Variants in TMEM132D observed in about 807,000 individuals in gnomAD.
The protein encoded by TMEM132D is transmembrane protein 132D, also known as mature OL transmembrane protein.
Under a neutral mutation model 62.3 loss-of-function variants are expected in TMEM132D, and 21 were observed. That is an observed-to-expected ratio of 0.34 (90% CI 0.24 to 0.49). TMEM132D has a LOEUF of 0.49. TMEM132D is among the 20% of genes least tolerant of loss of function. TMEM132D has a pLI of 0.99. For synonymous variants in TMEM132D, 621 were observed against 575.6 expected, an observed-to-expected ratio of 1.08 and a Z score of -1.13; for missense variants, 1,346 against 1,402.8, an observed-to-expected ratio of 0.96 and a Z score of 0.65.
In TMEM132D at chr12:129,176,207, C is replaced by A. The variant is rs531022806; in HGVS notation, c.1443+33313G>T. Reference sequence around the variant, plus strand: ...AGAGCAGATTTCAACTCCATTCTTGCCTTTGCCACCAGGTATCTGCTCAGT... The same window carrying A: ...AGAGCAGATTTCAACTCCATTCTTGACTTTGCCACCAGGTATCTGCTCAGT... On this transcript the variant is annotated intron_variant, in intron 5 of 8. Coordinates refer to ENST00000422113, the MANE Select transcript of TMEM132D (RefSeq NM_133448.3). Among the ~76,000 whole-genome samples the A allele has an allele frequency of 2.1e-3, 323 of 152,340 alleles. 1 individual carries two copies. Among genetic ancestry groups the A allele is most frequent in the African/African-American group, 7.0e-3 (292 of 41,584 alleles).
chr12:129,714,120 C>T (rs1868475146), intron 1 of TMEM132D, among the ~76,000 whole-genome samples: 1 of 152,178 alleles, frequency 6.6e-6, no homozygotes. Flanking sequence ...CTCAGTCCTG[C>T]CCCCGGGGCC....
At chr12:129,150,967 C>G (rs978612700) in intron 5 of TMEM132D, among the ~76,000 whole-genome samples, 2 of 152,182 alleles carry the variant, frequency 1.3e-5, no homozygotes, top group Non-Finnish European at 2.9e-5. Context: ...CTGCCCTGTT[C>G]CCCTGCCCTG....
In TMEM132D at chr12:129,877,748, A is replaced by G. The variant is rs563048083; in HGVS notation, c.79+25513T>C. ...GGAAAGCTTACTCCTGGGTGTCTTC[A>G]TACTGGCACAGAGGTAGCTGTTTCT... On this transcript the variant is annotated intron_variant, in intron 1 of 8. Coordinates refer to ENST00000422113, the MANE Select transcript of TMEM132D (RefSeq NM_133448.3). Among the ~76,000 whole-genome samples, 169 of 152,282 alleles carry G rather than the reference A, an allele frequency of 1.1e-3. 1 individual carries two copies. The highest frequency in any genetic ancestry group is 2.1e-3 in the Non-Finnish European group (143 of 68,022).
intron 5 of TMEM132D, among the ~76,000 whole-genome samples, chr12:129,161,283 C>G (rs1565982435): frequency 6.6e-6 from 1 of 152,132 alleles, no homozygotes; most frequent in Non-Finnish European, 1.5e-5. Flanking sequence ...GACCTTGATT[C>G]CTTTTGTTTA....
At chr12:129,776,111 C>T (rs1870913011) in intron 1 of TMEM132D, among the ~76,000 whole-genome samples, 1 of 151,942 alleles carries the variant, frequency 6.6e-6, no homozygotes, top group African/African-American at 2.4e-5. Flanking sequence ...GAAAAGGGGT[C>T]GGTCTATCTT....
chr12:129,424,049 A>G (rs1452268403), intron 3 of TMEM132D, among the ~76,000 whole-genome samples: 2 of 152,166 alleles, frequency 1.3e-5, no homozygotes, highest in East Asian at 1.9e-4. Context: ...ATTGTCTTCT[A>G]TAAGTACTAC....
intron 1 of TMEM132D, among the ~76,000 whole-genome samples, chr12:129,701,911 C>T (rs1025941009): frequency 1.3e-5 from 2 of 152,188 alleles, no homozygotes; most frequent in African/African-American, 2.4e-5. Flanking sequence ...GGCAGTCATC[C>T]GCCAGCAGCT....
rs1242351376 is a variant in TMEM132D, at chr12:129,337,439, A to ACG, written c.1299+193_1299+194dup. 9.1e-3 allele frequency among the ~76,000 whole-genome samples: 1,074 copies of ACG among 117,844 alleles called. 12 individuals carry two copies. Among genetic ancestry groups the ACG allele is most frequent in the African/African-American group, 0.032 (1,000 of 31,704 alleles). The allele number at this position is 117,844 out of a possible 152,430, so 77.3% of individuals were successfully genotyped here. ...TATAGATATAGATATAGATACACAC[A>ACG]CGCACACACACACACACACACACAC... On this transcript the variant is annotated intron_variant, in intron 4 of 8. Coordinates refer to ENST00000422113, the MANE Select transcript of TMEM132D (RefSeq NM_133448.3).
At chr12:129,754,986 A>G (rs780745049) in intron 1 of TMEM132D, among the ~76,000 whole-genome samples, 1 of 152,200 alleles carries the variant, frequency 6.6e-6, no homozygotes, top group Non-Finnish European at 1.5e-5. Flanking sequence ...ATATAAAAAA[A>G]TTTTCCAAAA....
chr12:129,485,414 G>A (rs1328484420), intron 3 of TMEM132D, among the ~76,000 whole-genome samples: 1 of 152,216 alleles, frequency 6.6e-6, no homozygotes, highest in Non-Finnish European at 1.5e-5. Flanking sequence ...ACTTGGATTT[G>A]GAGTCTGAGG....
At position 129,159,153 on chromosome 12, in the gene TMEM132D, G is replaced by A. The variant is rs147008789; in HGVS notation, c.1443+50367C>T. On this transcript the variant is annotated intron_variant, in intron 5 of 8. Coordinates refer to ENST00000422113, the MANE Select transcript of TMEM132D (RefSeq NM_133448.3). The stretch of plus-strand genomic sequence containing the variant: ...CTGAGACTTCAAGTAGATGAGGATG[G>A]ACAATGTACTTCTTGGTTTTAACAG... 2.1e-3 allele frequency among the ~76,000 whole-genome samples: 321 copies of A among 152,262 alleles called. 2 individuals are homozygous for A. The highest frequency in any genetic ancestry group is 7.3e-3 in the African/African-American group (303 of 41,538).
intron 2 of TMEM132D, among the ~76,000 whole-genome samples, chr12:129,621,958 C>T (rs760525217): frequency 2.0e-5 from 3 of 152,178 alleles, no homozygotes; most frequent in Non-Finnish European, 4.4e-5. Flanking sequence ...TCTGTTCTCT[C>T]CCTAGCGCCC....
At chr12:129,623,343 T>G in intron 2 of TMEM132D, among the ~76,000 whole-genome samples, 1 of 152,154 alleles carries the variant, frequency 6.6e-6, no homozygotes, top group Non-Finnish European at 1.5e-5. Context: ...AGATGAATTA[T>G]ATAGTGGTGA....
intron 1 of TMEM132D, among the ~76,000 whole-genome samples, chr12:129,791,883 T>A (rs918392055): frequency 6.6e-6 from 1 of 152,168 alleles, no homozygotes; most frequent in Admixed American, 6.5e-5. Context: ...GGAGGCTGTT[T>A]AACACACACA....
chr12:129,107,493 T>G (rs1403158619), intron 5 of TMEM132D, among the ~76,000 whole-genome samples: 2 of 152,226 alleles, frequency 1.3e-5, no homozygotes, highest in Admixed American at 6.5e-5. Context: ...GAATGCAGGT[T>G]GACACTTAGT....
chr12:129,211,952 C>T (rs1032159333), intron 4 of TMEM132D: 2 of 152,030 alleles, frequency 1.3e-5, no homozygotes, highest in East Asian at 3.9e-4. Flanking sequence ...ACTTTTTTTT[C>T]TACTCTAAAG....
chr12:129,340,888 T>C (rs1456361079), intron 3 of TMEM132D, among the ~76,000 whole-genome samples: 1 of 152,208 alleles, frequency 6.6e-6, no homozygotes, highest in Non-Finnish European at 1.5e-5. Flanking sequence ...CTTGAGCTTG[T>C]GGGGAAAACG....
intron 6 of TMEM132D, 95 bp downstream of exon 6, chr12:129,084,402 G>A (rs1216840604): frequency 2.4e-6 from 3 of 1,249,432 alleles, no homozygotes; most frequent in East Asian, 2.6e-5. Flanking sequence ...TGGTCCTTAG[G>A]GTACCACATG....
intron 1 of TMEM132D, among the ~76,000 whole-genome samples, chr12:129,883,039 G>A (rs1015706821): frequency 6.6e-6 from 1 of 152,192 alleles, no homozygotes; most frequent in Middle Eastern, 3.4e-3. Flanking sequence ...CAATACACAA[G>A]GGACAGGGAA....
Sources: allele counts gnomAD v4.1 joint callset (sites outside exome capture counted in the v4.1 genomes callset), GRCh38; gene constraint gnomAD v4.1.1; transcripts MANE v1.5; gene names NCBI Gene and HGNC (gene_info 2026-07-23, HGNC 2026-07-21).